MSH4: variants seen among roughly 807,000 people sequenced by gnomAD.
MSH4 encodes the protein mutS homolog 4, also known as mutS protein homolog 4.
MSH4 carries 106 observed loss-of-function variants against 113.7 expected under a neutral mutation model. That is an observed-to-expected ratio of 0.93 (90% CI 0.80 to 1.10). The LOEUF is 1.10. Among genes scored for constraint, MSH4 ranks in the 50% least tolerant of loss-of-function variants. The pLI is 0.00. For missense variants in MSH4, 1,061 were observed against 1,093.7 expected (o/e 0.97, Z 0.42); for synonymous variants, 368 against 380.2 (o/e 0.97, Z 0.37).
intron 17 of MSH4, among the ~76,000 whole-genome samples, chr1:75,896,216 A>C (rs1652376829): frequency 6.6e-6 from 1 of 152,162 alleles, no homozygotes; most frequent in South Asian, 2.1e-4. Context: ...TACAGCTTGC[A>C]GGCATTTGGA....
At chr1:75,852,381 G>A (rs1358309274) in intron 8 of MSH4, among the ~76,000 whole-genome samples, 1 of 152,048 alleles carries the variant, frequency 6.6e-6, no homozygotes, top group Non-Finnish European at 1.5e-5. Flanking sequence ...TTTTTCATTT[G>A]TCTTGATATA....
chr1:75,870,781 A>G (rs1021280962), intron 9 of MSH4, among the ~76,000 whole-genome samples: 3 of 152,194 alleles, frequency 2.0e-5, no homozygotes, highest in African/African-American at 7.2e-5. Flanking sequence ...GCAGCATGAG[A>G]AAGGACTAAT....
At chr1:75,807,884 C>T (rs1188682251) in intron 3 of MSH4, among the ~76,000 whole-genome samples, 3 of 151,992 alleles carry the variant, frequency 2.0e-5, no homozygotes, top group Non-Finnish European at 2.9e-5. Context: ...TGACCAGGGC[C>T]CAGAGAGAGC....
chr1:75,911,066 T>C (rs1363864389), intron 19 of MSH4, among the ~76,000 whole-genome samples: 1 of 152,042 alleles, frequency 6.6e-6, no homozygotes, highest in Non-Finnish European at 1.5e-5. Flanking sequence ...AAATATATTT[T>C]AGAATTACCT....
chr1:75,910,967 T>C (rs1238444176), intron 19 of MSH4, among the ~76,000 whole-genome samples: 1 of 152,134 alleles, frequency 6.6e-6, no homozygotes, highest in Non-Finnish European at 1.5e-5. Flanking sequence ...TTTTATTATG[T>C]AGTTTGCCTA....
chr1:75,859,515 A>T (rs1314706067), intron 8 of MSH4, among the ~76,000 whole-genome samples: 1 of 151,976 alleles, frequency 6.6e-6, no homozygotes, highest in East Asian at 1.9e-4. Context: ...TCATTTTGTT[A>T]TTTACTGAGT....
chr1:75,871,340 G>A (rs1651709418), intron 9 of MSH4, among the ~76,000 whole-genome samples: 1 of 152,026 alleles, frequency 6.6e-6, no homozygotes, highest in Non-Finnish European at 1.5e-5. Flanking sequence ...ATGAGATTTG[G>A]GTGGGGAGAC....
At position 75,880,050 on chromosome 1, in the gene MSH4, A is replaced by G. The variant is rs1265938482; in HGVS notation, c.1678A>G (p.Ile560Val). ...CATTTGTTTTTTAATCTCCAAGCAG[A>G]TTTCTAAAGTGAAAAATTCTTACAG... ...SDQLPSEFIK[I>V]SKVKNSYSFT... The change falls in exon 13 of 20, where the codon ATT becomes GTT. Residue 560 changes from isoleucine to valine, a missense_variant and splice_region_variant. By Grantham distance (29) the Ile-to-Val change is conservative. Coordinates refer to ENST00000263187, the MANE Select transcript of MSH4 (RefSeq NM_002440.4). 1 of 1,503,656 alleles carries G rather than the reference A, an allele frequency of 6.7e-7. No homozygotes were observed. The highest frequency in any genetic ancestry group is 1.4e-5 in the African/African-American group (1 of 72,378). 93.1% of individuals were successfully genotyped at this position (1,503,656 alleles called of 1,614,324 possible).
At chr1:75,865,955 C>T (rs1303872557) in intron 8 of MSH4, among the ~76,000 whole-genome samples, 1 of 152,150 alleles carries the variant, frequency 6.6e-6, no homozygotes, top group Non-Finnish European at 1.5e-5. Context: ...ACTCTCCTTT[C>T]CCCACTGTTC....
intron 6 of MSH4, among the ~76,000 whole-genome samples, chr1:75,819,619 G>T (rs1245863008): frequency 6.6e-6 from 1 of 152,224 alleles, no homozygotes. Flanking sequence ...GGCTCAAAAA[G>T]TATTTGTTAA....
intron 7 of MSH4, among the ~76,000 whole-genome samples, chr1:75,845,922 A>G (rs1651065301): frequency 6.6e-6 from 1 of 152,166 alleles, no homozygotes; most frequent in Non-Finnish European, 1.5e-5. Context: ...TTTAGGCAGA[A>G]GCCACCATGG....
intron 8 of MSH4, among the ~76,000 whole-genome samples, chr1:75,856,694 A>G (rs1651325701): frequency 6.6e-6 from 1 of 152,166 alleles, no homozygotes; most frequent in African/African-American, 2.4e-5. Context: ...TCACTGATGG[A>G]CATGTGAGTT....
intron 1 of MSH4, among the ~76,000 whole-genome samples, chr1:75,803,397 T>A (rs1016883296): frequency 8.5e-5 from 13 of 152,086 alleles, no homozygotes; most frequent in Admixed American, 7.9e-4. Context: ...GGCAGGCAGA[T>A]CATGAGGTCA....
intron 7 of MSH4, among the ~76,000 whole-genome samples, chr1:75,823,345 TG>T (rs35788823): frequency 0.072 from 10,933 of 152,266 alleles, 516 homozygotes; most frequent in African/African-American, 0.13. Flanking sequence ...CAGTATCATT[TG>T]GGGGTCACAA....
At chr1:75,869,197 T>C (rs1250716202) in intron 9 of MSH4, among the ~76,000 whole-genome samples, 1 of 152,146 alleles carries the variant, frequency 6.6e-6, no homozygotes, top group Non-Finnish European at 1.5e-5. Flanking sequence ...ACTCTTGCTA[T>C]GCAAAGAGAC....
chr1:75,803,880 T>G lies in MSH4; in HGVS notation c.394T>G (p.Tyr132Asp). ...TACTGGAAATCCTCAGAGATCAGGT[T>G]ATAAGAGCTGGACACCACAAGTGGG... Reference protein sequence around the residue: ...LSTGNPQRSGYKSWTPQVGYS... With the variant: ...LSTGNPQRSGDKSWTPQVGYS... Residue 132 changes from tyrosine (Y) to aspartate (D), a missense_variant, in exon 2 of 20, where the codon TAT becomes GAT. By Grantham distance (160) the Tyr-to-Asp change is radical. Transcript: ENST00000263187. 1 of 1,585,220 alleles carries G rather than the reference T, an allele frequency of 6.3e-7. No individual in the cohort carries two copies.
chr1:75,869,463 C>T (rs1166867488), intron 9 of MSH4, among the ~76,000 whole-genome samples: 1 of 152,200 alleles, frequency 6.6e-6, no homozygotes, highest in Non-Finnish European at 1.5e-5. Context: ...GGGAAAATGT[C>T]TCCAGGTCAT....
intron 15 of MSH4, among the ~76,000 whole-genome samples, chr1:75,886,703 ATATAT>A (rs1452480052): frequency 1.7e-5 from 2 of 118,052 alleles, no homozygotes; most frequent in Non-Finnish European, 3.5e-5. Context: ...TAATATATAA[ATATAT>A]TATATATAAA....
chr1:75,878,251 G>A lies in MSH4; in HGVS notation c.1473G>A (p.Arg491=). 6.2e-7 allele frequency: 1 copy of A among 1,609,252 alleles called. No homozygotes were observed. Among genetic ancestry groups the A allele is most frequent in the South Asian group, 1.1e-5 (1 of 89,494 alleles). ...GGACTCAGAAGTGCTATGCAGTGAG[G>A]TCTAACATAAATGAATTTCTTGACA... The part of the protein sequence containing the change: ...NMRTQKCYAV[R]SNINEFLDIA... Residue 491 remains arginine (R), a synonymous_variant, in exon 11 of 20, where the codon AGG becomes AGA. Coordinates refer to ENST00000263187, the MANE Select transcript of MSH4 (RefSeq NM_002440.4).
Sources: gnomAD v4.1 joint callset for allele counts (sites outside exome capture counted in the v4.1 genomes callset) on GRCh38, gnomAD v4.1.1 for gene constraint, MANE v1.5 for transcripts, NCBI Gene and HGNC (gene_info 2026-07-23, HGNC 2026-07-21) for gene names.